SRI: variants seen among roughly 807,000 people sequenced by gnomAD.
The protein encoded by SRI is 22 kDa protein.
A neutral mutation model predicts 33.3 loss-of-function variants in SRI; 30 were observed. The observed-to-expected ratio is 0.90, with a 90% CI of 0.67 to 1.22. The LOEUF is 1.22. Ranked by LOEUF, SRI falls within the 50% of genes most tolerant of loss-of-function variation. The probability of loss-of-function intolerance (pLI) is 0.00; values close to 1 mark genes in which losing one functional copy is unlikely to be tolerated. For synonymous variants in SRI, 75 were observed against 89.9 expected (o/e 0.83, Z 0.94); for missense variants, 243 against 250.8 (o/e 0.97, Z 0.21).
intron 3 of SRI, among the ~76,000 whole-genome samples, chr7:88,211,580 G>A (rs755278567): frequency 2.6e-5 from 4 of 152,154 alleles, no homozygotes; most frequent in Non-Finnish European, 5.9e-5. Flanking sequence ...GGAAGTCAGG[G>A]TTGCTTTGTT....
chr7:88,218,260 G>C (rs1851782699), intron 2 of SRI, among the ~76,000 whole-genome samples: 1 of 152,178 alleles, frequency 6.6e-6, no homozygotes, highest in Admixed American at 6.5e-5. Flanking sequence ...TCAGAATGCA[G>C]ACAAGTGAAA....
chr7:88,206,319 TAAAAC>T lies in SRI; in HGVS notation c.*154_*158del. 2.4e-6 allele frequency: 2 copies of T among 845,806 alleles called. No homozygotes were observed. The highest frequency in any genetic ancestry group is 3.9e-6 in the Non-Finnish European group (2 of 511,816). 52.4% of individuals were successfully genotyped at this position (845,806 alleles called of 1,614,324 possible). A position where few individuals can be genotyped will look rare whatever the true frequency, so the allele number is the denominator to read the frequency against. On this transcript the variant is annotated 3_prime_UTR_variant, in exon 8 of 8. Coordinates refer to ENST00000265729, the MANE Select transcript of SRI (RefSeq NM_003130.4). ...GTTCCAAAGAATTTATTATCAAAAC[TAAAAC>T]AAAACTTCAGTTGTACATAAAGTAA...
intron 3 of SRI, among the ~76,000 whole-genome samples, chr7:88,216,002 C>T (rs73397637): frequency 0.047 from 7,208 of 152,246 alleles, 592 homozygotes; most frequent in African/African-American, 0.16. Context: ...TTTGGATTTT[C>T]TGAGACAGGC....
At chr7:88,219,277 T>G (rs897491853) in intron 1 of SRI, 7 of 352,502 alleles carry the variant, frequency 2.0e-5, no homozygotes, top group South Asian at 4.9e-5. Context: ...ATTCTCCTTT[T>G]GTTGTTACAG....
At chr7:88,222,404 A>G (rs1249948052), upstream of SRI, among the ~76,000 whole-genome samples, 2 of 148,826 alleles carry the variant, frequency 1.3e-5, no homozygotes, top group East Asian at 2.0e-4. Context: ...ATGGTATCTC[A>G]TAGTGGTTTT....
rs1028876324 is a variant in SRI, at chr7:88,220,032, A to G, written c.-6T>C. 2 of 1,526,628 alleles carry G rather than the reference A, an allele frequency of 1.3e-6. No homozygotes were observed. Among genetic ancestry groups the G allele is most frequent in the Non-Finnish European group, 1.7e-6 (2 of 1,143,092 alleles). 94.6% of individuals were successfully genotyped at this position (1,526,628 alleles called of 1,614,324 possible). A position where few individuals can be genotyped will look rare whatever the true frequency, so the allele number is the denominator to read the frequency against. On this transcript the variant is annotated 5_prime_UTR_variant, in exon 1 of 8. Transcript: ENST00000265729. ...GGATGCCCCGGGTACGCCATGCTGC[A>G]GACTGCGCCGCAGCCGCCCTCGCCC...
chr7:88,212,622 G>A (rs1442393820), intron 3 of SRI, among the ~76,000 whole-genome samples: 1 of 152,198 alleles, frequency 6.6e-6, no homozygotes, highest in Non-Finnish European at 1.5e-5. Flanking sequence ...TCCTGGACCA[G>A]CCATATTAGC....
At position 88,209,405 on chromosome 7, in the gene SRI, T is replaced by C. The variant is rs1159107633; in HGVS notation, c.445A>G (p.Ser149Gly). 1.2e-6 allele frequency: 2 copies of C among 1,614,030 alleles called. No individual in the cohort carries two copies. Among genetic ancestry groups the C allele is most frequent in the East Asian group, 4.5e-5 (2 of 44,894 alleles). The stretch of plus-strand genomic sequence containing the variant: ...TCGAAGGTGATCTTTCCATTGGTGC[T>C]GTATCGTTTTGCAATTGAATTCACA... ...QAVNSIAKRY[S>G]TNGKITFDDY... Residue 149 changes from serine to glycine, a missense_variant, in exon 6 of 8, where the codon AGC (serine) becomes GGC (glycine). Ser to Gly is a moderately conservative substitution (Grantham distance 56). Coordinates refer to ENST00000265729, the MANE Select transcript of SRI (RefSeq NM_003130.4).
chr7:88,217,270 TA>T (rs1851751288), intron 2 of SRI, 79 bp from the exon 3 acceptor site: 1 of 1,161,258 alleles, frequency 8.6e-7, no homozygotes, highest in Admixed American at 1.7e-5. Flanking sequence ...AATGAAGCAA[TA>T]ACAACAAAGA....
At chr7:88,225,733 G>C (rs1230429290) in intron 1 of SRI, among the ~76,000 whole-genome samples, 1 of 152,152 alleles carries the variant, frequency 6.6e-6, no homozygotes, top group Non-Finnish European at 1.5e-5. Flanking sequence ...ATTGGATCAA[G>C]AATTTGGAGA....
intron 1 of SRI, among the ~76,000 whole-genome samples, chr7:88,226,082 C>T (rs938791442): frequency 1.3e-5 from 2 of 152,144 alleles, no homozygotes; most frequent in Non-Finnish European, 2.9e-5. Context: ...CCTGTATGCT[C>T]AGGTAGAAAA....
intron 4 of SRI, 195 bp from the exon 5 acceptor site, chr7:88,210,325 T>G: frequency 1.6e-6 from 1 of 642,262 alleles, no homozygotes; most frequent in Non-Finnish European, 2.7e-6. Context: ...ATTTTTACTG[T>G]GGGGAAAAGA....
chr7:88,211,199 T>A (rs1288500879), intron 3 of SRI, among the ~76,000 whole-genome samples: 1 of 152,202 alleles, frequency 6.6e-6, no homozygotes, highest in Non-Finnish European at 1.5e-5. Context: ...ACGCCTGTAA[T>A]CCCAGCACTT....
chr7:88,210,600 G>A, intron 4 of SRI: 1 of 413,408 alleles, frequency 2.4e-6, no homozygotes, highest in Non-Finnish European at 4.4e-6. Context: ...CACTTGCAGA[G>A]GAATCAATGT....
upstream of SRI, among the ~76,000 whole-genome samples, chr7:88,220,952 C>G (rs79252242): frequency 2.6e-3 from 401 of 152,152 alleles, 1 homozygote; most frequent in African/African-American, 9.3e-3. Flanking sequence ...TTGAATAGTC[C>G]GAAGCAATTC....
intron 4 of SRI, 172 bp downstream of exon 4, chr7:88,210,710 T>G (rs1278669484): frequency 3.3e-6 from 2 of 607,728 alleles, no homozygotes; most frequent in Non-Finnish European, 5.8e-6. Flanking sequence ...TTACTAAATT[T>G]CTTTTCTTCC....
At chr7:88,219,002 C>A in intron 1 of SRI, 60 bp from the exon 2 acceptor site, 1 of 1,506,374 alleles carries the variant, frequency 6.6e-7, no homozygotes, top group Non-Finnish European at 9.2e-7. Context: ...TCTTTCACCA[C>A]TGAGGGCTTT....
At chr7:88,220,921 A>T (rs972292820), upstream of SRI, among the ~76,000 whole-genome samples, 3 of 152,196 alleles carry the variant, frequency 2.0e-5, no homozygotes, top group East Asian at 5.8e-4. Flanking sequence ...TCTTTACTTC[A>T]TATATTTTTC....
intron 2 of SRI, 107 bp downstream of exon 2, chr7:88,218,752 C>A (rs569592532): frequency 3.4e-5 from 35 of 1,023,576 alleles, no homozygotes; most frequent in Non-Finnish European, 5.0e-5. Context: ...TTTGCAGAAG[C>A]AAAGGGACTC....
Sources: allele counts gnomAD v4.1 joint callset (sites outside exome capture counted in the v4.1 genomes callset), GRCh38; gene constraint gnomAD v4.1.1; transcripts MANE v1.5; gene names NCBI Gene and HGNC (gene_info 2026-07-23, HGNC 2026-07-21).